The following SUCLA2 variants were observed in gnomAD, a reference collection of about 807,000 sequenced individuals.
The protein encoded by SUCLA2 is succinate-CoA ligase ADP-forming subunit beta.
Under a neutral mutation model 54.8 loss-of-function variants are expected in SUCLA2, and 30 were observed. The ratio of observed to expected loss-of-function variants is 0.55; its 90% CI spans 0.41 to 0.74. The LOEUF is 0.74. Among genes scored for constraint, SUCLA2 ranks in the 30% least tolerant of loss-of-function variants. The probability of loss-of-function intolerance (pLI) is 0.00; values close to 1 mark genes in which losing one functional copy is unlikely to be tolerated. For missense variants in SUCLA2, 476 were observed against 562.9 expected (o/e 0.85, Z 1.56); for synonymous variants, 172 against 188.9 (o/e 0.91, Z 0.74).
In SUCLA2 at chr13:48,001,169, G is replaced by T; in HGVS notation, c.90+11C>A. The T allele has an allele frequency of 1.9e-6, 3 of 1,606,842 alleles. No individual in the cohort carries two copies. Among genetic ancestry groups the T allele is most frequent in the South Asian group, 2.2e-5 (2 of 89,632 alleles). On this transcript the variant is annotated intron_variant, in intron 1 of 10. Transcript: ENST00000646932. ...CGACCCTCGAGACGACAGCGGACTG[G>T]AAGGCATTACCTGAGCAGCAGCCCG...
At chr13:47,991,795 A>G (rs1425483351) in intron 2 of SUCLA2, 1 of 152,232 alleles carries the variant, frequency 6.6e-6, no homozygotes, top group Non-Finnish European at 1.5e-5. Flanking sequence ...CAGTACTACA[A>G]CTAGAGCTGA....
Position 47,954,486 on chromosome 13 carries a change from G to A in SUCLA2, c.874C>T (p.Gln292Ter). 4 of 1,613,846 alleles carry A rather than the reference G, an allele frequency of 2.5e-6. No individual in the cohort carries two copies. The highest frequency in any genetic ancestry group is 3.4e-6 in the Non-Finnish European group (4 of 1,179,878). Residue 292 changes from glutamine (Q) to a stop codon, truncating the protein, a stop_gained, in exon 7 of 11, where the codon CAG becomes TAG. Coordinates refer to ENST00000646932, the MANE Select transcript of SUCLA2 (RefSeq NM_003850.3). LOFTEE classifies it high-confidence loss of function. ...AYRQKKIFDLQDWTQEDERDK... is the reference protein window; with the variant it reads ...AYRQKKIFDL Reference sequence around the variant, plus strand: ...CTTTCATCTTCCTGGGTCCAGTCCTGTAGATCAAAGATTTTCTTTTGGCGA... The same window carrying A: ...CTTTCATCTTCCTGGGTCCAGTCCTATAGATCAAAGATTTTCTTTTGGCGA...
chr13:47,961,791 T>C (rs1370187755), intron 6 of SUCLA2, among the ~76,000 whole-genome samples: 1 of 152,248 alleles, frequency 6.6e-6, no homozygotes, highest in Non-Finnish European at 1.5e-5. Flanking sequence ...CAAATATCCT[T>C]ATCAACTGTG....
chr13:47,978,917 C>G (rs4942730), intron 4 of SUCLA2, among the ~76,000 whole-genome samples: 1 of 151,856 alleles, frequency 6.6e-6, no homozygotes, highest in Admixed American at 6.6e-5. Flanking sequence ...CGAAAAAAAG[C>G]TTATCATCAC....
intron 4 of SUCLA2, among the ~76,000 whole-genome samples, chr13:47,978,641 T>C (rs1487925039): frequency 2.0e-5 from 3 of 151,982 alleles, no homozygotes; most frequent in Non-Finnish European, 4.4e-5. Context: ...CCAAAAGCAA[T>C]GGCAGCAAAA....
intron 4 of SUCLA2, among the ~76,000 whole-genome samples, chr13:47,975,000 G>C (rs1367544998): frequency 6.6e-6 from 1 of 151,830 alleles, no homozygotes; most frequent in Non-Finnish European, 1.5e-5. Context: ...CAATAAAAGA[G>C]TGGGAAATAA....
chr13:47,964,079 G>A (rs1190186516), intron 6 of SUCLA2, among the ~76,000 whole-genome samples: 1 of 152,106 alleles, frequency 6.6e-6, no homozygotes, highest in Non-Finnish European at 1.5e-5. Context: ...ACCCTTCAAA[G>A]TGTAAACGGT....
chr13:47,971,943 G>T, intron 5 of SUCLA2: 1 of 398,388 alleles, frequency 2.5e-6, no homozygotes, highest in South Asian at 1.3e-4. Flanking sequence ...AGACCTATGA[G>T]ACTTATCAGT....
chr13:47,964,901 A>G (rs1361916501), intron 6 of SUCLA2, among the ~76,000 whole-genome samples: 4 of 151,814 alleles, frequency 2.6e-5, no homozygotes, highest in African/African-American at 9.7e-5. Context: ...CAAGACTATT[A>G]ATTTAACAAC....
chr13:47,981,108 T>C (rs1950057607), intron 4 of SUCLA2, among the ~76,000 whole-genome samples: 1 of 152,010 alleles, frequency 6.6e-6, no homozygotes, highest in African/African-American at 2.4e-5. Context: ...TGGAACTCTA[T>C]CAAACTTAAA....
chr13:47,984,527 T>C (rs557615952), intron 4 of SUCLA2, among the ~76,000 whole-genome samples: 3 of 152,274 alleles, frequency 2.0e-5, no homozygotes, highest in South Asian at 4.1e-4. Context: ...TTAACCTAAG[T>C]TCTTCTTCTC....
chr13:47,983,742 G>GCCTCTCAAAGTGCTGGGA (rs1250473458), intron 4 of SUCLA2, among the ~76,000 whole-genome samples: 16 of 152,066 alleles, frequency 1.1e-4, no homozygotes, highest in Admixed American at 1.0e-3. Context: ...ACCCGCCTCG[G>GCCTCTCAAAGTGCTGGGA]CCTCTCAAAG....
rs201653922 is a variant in SUCLA2, at chr13:47,959,035, GTGGAAC to G, written c.803-4484_803-4479del. On this transcript the variant is annotated intron_variant, in intron 6 of 10. Transcript: ENST00000646932. The stretch of plus-strand genomic sequence containing the variant: ...ATAGGGAAATACGTTTCTAAAAATT[GTGGAAC>G]TGTTCTCATCTATAAAATGCTAATA... Among the ~76,000 whole-genome samples the G allele has an allele frequency of 2.1e-4, 32 of 152,280 alleles. 1 individual carries two copies. The East Asian group carries it at 5.2e-3, about 25-fold the overall frequency.
intron 4 of SUCLA2, among the ~76,000 whole-genome samples, chr13:47,985,214 T>C (rs1342703823): frequency 6.6e-6 from 1 of 152,198 alleles, no homozygotes; most frequent in Non-Finnish European, 1.5e-5. Context: ...TAGTTTTGCT[T>C]TGCTTATTCT....
chr13:47,967,103 C>A (rs1193566768), intron 6 of SUCLA2, among the ~76,000 whole-genome samples: 2 of 152,030 alleles, frequency 1.3e-5, no homozygotes, highest in Non-Finnish European at 2.9e-5. Flanking sequence ...GTTATAAATT[C>A]TTGGATATCT....
chr13:47,974,287 CAATA>C (rs911579712), intron 4 of SUCLA2, among the ~76,000 whole-genome samples: 2 of 151,950 alleles, frequency 1.3e-5, no homozygotes, highest in African/African-American at 4.8e-5. Context: ...TACTGCAAGA[CAATA>C]AAAAAGAAAG....
At chr13:47,948,541 C>T (rs1442363067) in intron 10 of SUCLA2, among the ~76,000 whole-genome samples, 1 of 152,132 alleles carries the variant, frequency 6.6e-6, no homozygotes, top group Non-Finnish European at 1.5e-5. Flanking sequence ...GTATTTGTCC[C>T]TGCATAGTCC....
chr13:48,000,796 G>A (rs1188431045), intron 1 of SUCLA2: 17 of 989,170 alleles, frequency 1.7e-5, no homozygotes, highest in African/African-American at 3.4e-5. Flanking sequence ...TACTTTTGAA[G>A]GGCATTCCCC....
intron 8 of SUCLA2, among the ~76,000 whole-genome samples, chr13:47,950,085 C>T (rs1949764331): frequency 1.3e-5 from 2 of 152,208 alleles, no homozygotes; most frequent in Non-Finnish European, 2.9e-5. Flanking sequence ...TCCTGCAGAG[C>T]AAGGCCTTCT....
Sources: allele counts gnomAD v4.1 joint callset (sites outside exome capture counted in the v4.1 genomes callset), GRCh38; gene constraint gnomAD v4.1.1; transcripts MANE v1.5; gene names NCBI Gene and HGNC (gene_info 2026-07-23, HGNC 2026-07-21).